Variants in ALKBH8 observed in about 807,000 individuals in gnomAD.
The protein encoded by ALKBH8 is alkB homolog 8, tRNA methyltransferase.
Under a neutral mutation model 59.8 loss-of-function variants are expected in ALKBH8, and 36 were observed. The observed-to-expected ratio is 0.60, with a 90% CI of 0.46 to 0.79. The LOEUF (loss-of-function observed/expected upper bound fraction) is 0.79. Ranked by LOEUF, ALKBH8 falls within the 30% of genes least tolerant of loss-of-function variation. The pLI is 0.00. For missense variants in ALKBH8, 768 were observed against 801.0 expected (o/e 0.96, Z 0.50); for synonymous variants, 276 against 273.6 (o/e 1.01, Z -0.09).
At chr11:107,553,820 A>C (rs770043645) in intron 4 of ALKBH8, 27 bp downstream of exon 4, 1 of 1,597,220 alleles carries the variant, frequency 6.3e-7, no homozygotes, top group Non-Finnish European at 8.5e-7. Context: ...AAACTTTCAA[A>C]TATCAGATTT....
chr11:107,550,546 T>C (rs1864446131), intron 6 of ALKBH8, among the ~76,000 whole-genome samples: 1 of 152,332 alleles, frequency 6.6e-6, no homozygotes, highest in South Asian at 2.1e-4. Flanking sequence ...CCGGCCTCTG[T>C]GCTCTACAGG....
rs1030709997 is a variant in ALKBH8 at position 107,533,756 on chromosome 11, A to G, written c.772-1350T>C. The stretch of plus-strand genomic sequence containing the variant: ...TTAGATTATTTGGTAAAGCAAGTAT[A>G]TTAAAATATTAATTGTAGAATCTAG... On this transcript the variant is annotated intron_variant, in intron 7 of 11. Coordinates refer to ENST00000428149, the MANE Select transcript of ALKBH8 (RefSeq NM_138775.3). Among the ~76,000 whole-genome samples, 11 of 152,226 alleles carry G rather than the reference A, an allele frequency of 7.2e-5. 1 individual carries two copies. Among genetic ancestry groups the G allele is most frequent in the Admixed American group, 4.6e-4 (7 of 15,286 alleles).
intron 1 of ALKBH8, 89 bp downstream of exon 1, chr11:107,565,512 G>C (rs1437041303): frequency 6.6e-7 from 1 of 1,524,764 alleles, no homozygotes; most frequent in Admixed American, 2.0e-5. Context: ...GCCCTAGCTG[G>C]CAAGGCGGAT....
intron 7 of ALKBH8, among the ~76,000 whole-genome samples, chr11:107,542,581 G>C (rs116168217): frequency 0.017 from 2,546 of 152,196 alleles, 84 homozygotes; most frequent in African/African-American, 0.059. Context: ...GTACTTAAAA[G>C]CAAAATTTAT....
At chr11:107,514,795 G>A (rs1456162161) in intron 10 of ALKBH8, among the ~76,000 whole-genome samples, 1 of 151,902 alleles carries the variant, frequency 6.6e-6, no homozygotes, top group African/African-American at 2.4e-5. Context: ...CTTGCTAAAA[G>A]TCAACAGAAA....
Position 107,503,147 on chromosome 11 carries a change from T to C in ALKBH8, c.*1511A>G, listed in dbSNP as rs375571538. The stretch of plus-strand genomic sequence containing the variant: ...GGATGTTAAAATTTATTGGCATGAC[T>C]TGACTTCAAACTTTGGTGTCAAGTA... On this transcript the variant is annotated 3_prime_UTR_variant, in exon 12 of 12. Coordinates refer to ENST00000428149, the MANE Select transcript of ALKBH8 (RefSeq NM_138775.3). The C allele has an allele frequency of 7.9e-5, 12 of 152,328 alleles. No homozygotes were observed. In the South Asian group the frequency reaches 1.0e-3, roughly 13 times the overall value. 9.4% of individuals were successfully genotyped at this position (152,328 alleles called of 1,614,324 possible). A position where few individuals can be genotyped will look rare whatever the true frequency, so the allele number is the denominator to read the frequency against.
intron 2 of ALKBH8, among the ~76,000 whole-genome samples, chr11:107,557,547 T>C (rs1390339653): frequency 6.6e-6 from 1 of 152,198 alleles, no homozygotes; most frequent in Non-Finnish European, 1.5e-5. Context: ...TCCGCACTTT[T>C]AATATAACCA....
At chr11:107,534,869 T>C (rs1863746540) in intron 7 of ALKBH8, among the ~76,000 whole-genome samples, 1 of 152,120 alleles carries the variant, frequency 6.6e-6, no homozygotes, top group Non-Finnish European at 1.5e-5. Flanking sequence ...CCGAGCAGTG[T>C]ACACTGTACC....
In ALKBH8 at chr11:107,510,977, A is replaced by T. The variant is rs1862599192; in HGVS notation, c.1347T>A (p.Ala449=). 2 of 1,551,832 alleles carry T rather than the reference A, an allele frequency of 1.3e-6. No homozygotes were observed. Among genetic ancestry groups the T allele is most frequent in the African/African-American group, 1.4e-5 (1 of 73,056 alleles). ...GTACTGCCAATGCATCACAGACAAA[A>T]GCCTGAAATTGCCTCTCTCTACAAA... The part of the protein sequence containing the change: ...VDICRERQFQ[A]FVCDALAVPV... The change falls in exon 11 of 12, where the codon GCT becomes GCA. Residue 449 remains alanine (A), a synonymous_variant. Transcript: ENST00000428149.
In ALKBH8 at chr11:107,530,599, T is replaced by TAA. The variant is rs1565328247; in HGVS notation, c.878+1699_878+1700dup. Among the ~76,000 whole-genome samples, 15 of 70,284 alleles carry TAA rather than the reference T, an allele frequency of 2.1e-4. No individual in the cohort carries two copies. In the East Asian group the frequency reaches 6.7e-3, roughly 32 times the overall value. The allele number at this position is 70,284 out of a possible 152,430, so 46.1% of individuals were successfully genotyped here. On this transcript the variant is annotated intron_variant, in intron 8 of 11. Coordinates refer to ENST00000428149, the MANE Select transcript of ALKBH8 (RefSeq NM_138775.3). The stretch of plus-strand genomic sequence containing the variant: ...CCATTTCCCCATCTCTCTCTCTTCC[T>TAA]AACACACACACACACACACACACAC...
chr11:107,542,183 G>A (rs1864064336), intron 7 of ALKBH8, among the ~76,000 whole-genome samples: 1 of 152,078 alleles, frequency 6.6e-6, no homozygotes, highest in African/African-American at 2.4e-5. Flanking sequence ...TTCCAAAATT[G>A]ATGGAAAAAC....
At chr11:107,564,334 A>G (rs1026545188) in intron 1 of ALKBH8, among the ~76,000 whole-genome samples, 6 of 152,354 alleles carry the variant, frequency 3.9e-5, no homozygotes, top group African/African-American at 1.4e-4. Context: ...TGAAACAAGC[A>G]GTATAGACAA....
At chr11:107,537,210 A>C (rs930810148) in intron 7 of ALKBH8, among the ~76,000 whole-genome samples, 2 of 152,270 alleles carry the variant, frequency 1.3e-5, no homozygotes, top group Admixed American at 6.5e-5. Context: ...TGTTTCCACT[A>C]TTCTGGTAAA....
chr11:107,554,783 A>G (rs1044701150), intron 3 of ALKBH8, among the ~76,000 whole-genome samples: 11 of 152,256 alleles, frequency 7.2e-5, no homozygotes, highest in Non-Finnish European at 1.5e-4. Context: ...TGTGCCAGAC[A>G]TTATATTATG....
chr11:107,538,576 G>A (rs1486736832), intron 7 of ALKBH8, among the ~76,000 whole-genome samples: 1 of 152,158 alleles, frequency 6.6e-6, no homozygotes, highest in Admixed American at 6.5e-5. Flanking sequence ...TGAGGATAAT[G>A]TTCAGTCCTA....
intron 11 of ALKBH8, among the ~76,000 whole-genome samples, chr11:107,507,175 A>G (rs965972434): frequency 8.5e-5 from 13 of 152,222 alleles, no homozygotes; most frequent in African/African-American, 3.1e-4. Flanking sequence ...GAGAACTAAG[A>G]TACATACAAT....
At chr11:107,565,246 T>A in intron 1 of ALKBH8, 1 of 373,340 alleles carries the variant, frequency 2.7e-6, no homozygotes, top group Non-Finnish European at 5.0e-6. Context: ...CAGCACTGCC[T>A]TTGCATCGAT....
intron 7 of ALKBH8, among the ~76,000 whole-genome samples, chr11:107,547,801 A>T (rs1326650782): frequency 6.6e-6 from 1 of 152,244 alleles, no homozygotes; most frequent in African/African-American, 2.4e-5. Flanking sequence ...CAGCCATTAC[A>T]AAGATGGCTT....
intron 7 of ALKBH8, among the ~76,000 whole-genome samples, chr11:107,544,264 G>A (rs1196104222): frequency 6.6e-6 from 1 of 152,168 alleles, no homozygotes; most frequent in African/African-American, 2.4e-5. Flanking sequence ...ATTTTATGAT[G>A]TCATGCCATG....
Sources: gnomAD v4.1 joint callset for allele counts (sites outside exome capture counted in the v4.1 genomes callset) on GRCh38, gnomAD v4.1.1 for gene constraint, MANE v1.5 for transcripts, NCBI Gene and HGNC (gene_info 2026-07-23, HGNC 2026-07-21) for gene names.